Variants in ING5 observed in about 807,000 individuals in gnomAD.
ING5 encodes inhibitor of growth protein 5.
Under a neutral mutation model 37.4 loss-of-function variants are expected in ING5, and 17 were observed. The observed-to-expected ratio is 0.45, with a 90% confidence interval of 0.31 to 0.68. The LOEUF (loss-of-function observed/expected upper bound fraction) is 0.68. Ranked by LOEUF, ING5 falls within the 30% of genes least tolerant of loss-of-function variation. The pLI is 0.05. For synonymous variants in ING5, 123 were observed against 116.6 expected, an observed-to-expected ratio of 1.06 and a Z score of -0.36; for missense variants, 233 against 311.9, an observed-to-expected ratio of 0.75 and a Z score of 1.91.
At chr2:241,716,998 T>G (rs1261036862) in intron 5 of ING5, among the ~76,000 whole-genome samples, 1 of 152,062 alleles carries the variant, frequency 6.6e-6, no homozygotes, top group Non-Finnish European at 1.5e-5. Context: ...CAAAAAAATG[T>G]GTAGATTTTA....
chr2:241,703,395 G>C (rs143769153), intron 1 of ING5, among the ~76,000 whole-genome samples: 11,617 of 152,238 alleles, frequency 0.076, 1,111 homozygotes, highest in African/African-American at 0.22. Context: ...CAGCTGTGCA[G>C]GGGGCGGAGG....
intron 5 of ING5, among the ~76,000 whole-genome samples, chr2:241,715,330 GA>G (rs2070232816): frequency 1.3e-5 from 2 of 151,940 alleles, no homozygotes; most frequent in Admixed American, 6.6e-5. Context: ...AAGTAGCTGG[GA>G]CCACAAGTGC....
At chr2:241,722,488 C>T (rs192884334) in intron 5 of ING5, 43 of 985,380 alleles carry the variant, frequency 4.4e-5, no homozygotes, top group East Asian at 2.3e-4. Context: ...AAGGTGGGCG[C>T]GAGGTCTCCA....
chr2:241,724,920 C>G, intron 7 of ING5, 69 bp from the exon 8 acceptor site: 1 of 1,477,866 alleles, frequency 6.8e-7, no homozygotes, highest in South Asian at 1.3e-5. Context: ...CATGGGGAGG[C>G]GGGCCCTGGG....
intron 5 of ING5, chr2:241,721,691 G>A (rs1261219512): frequency 1.0e-6 from 1 of 985,308 alleles, no homozygotes; most frequent in Non-Finnish European, 1.2e-6. Context: ...GTTGGAGGGT[G>A]GGATAGGGAA....
intron 2 of ING5, among the ~76,000 whole-genome samples, chr2:241,694,567 G>C (rs913718992): frequency 6.6e-6 from 1 of 152,002 alleles, no homozygotes; most frequent in African/African-American, 2.4e-5. Flanking sequence ...AATATTTAAG[G>C]TTGGCTTTTT....
At position 241,709,334 on chromosome 2, in the gene ING5, G is replaced by A; in HGVS notation, c.228G>A (p.Lys76=). The A allele has an allele frequency of 6.2e-7, 1 of 1,614,094 alleles. No homozygotes were observed. The highest frequency in any genetic ancestry group is 8.5e-7 in the Non-Finnish European group (1 of 1,180,012). ...QKIQNAYSKC[K]EYSDDKVQLA... ...TCCAGAACGCCTACAGCAAGTGCAAGGAATACAGTGACGACAAAGTGCAGC... is the reference window on the plus strand; with the variant it reads ...TCCAGAACGCCTACAGCAAGTGCAAAGAATACAGTGACGACAAAGTGCAGC... The change falls in exon 3 of 8, where the codon AAG becomes AAA. Residue 76 remains lysine (K), a synonymous_variant. Coordinates refer to ENST00000313552, the MANE Select transcript of ING5 (RefSeq NM_032329.6).
chr2:241,700,258 G>A (rs1048013176), upstream of ING5, among the ~76,000 whole-genome samples: 3 of 146,702 alleles, frequency 2.0e-5, no homozygotes, highest in Non-Finnish European at 4.5e-5. Flanking sequence ...CCGGGTTCAC[G>A]CCATTCTCCT....
At chr2:241,716,564 G>GTTGA (rs2070278288) in intron 5 of ING5, among the ~76,000 whole-genome samples, 4 of 152,104 alleles carry the variant, frequency 2.6e-5, no homozygotes, top group South Asian at 4.1e-4. Flanking sequence ...CAAAGTGCTA[G>GTTGA]GATTACAGGC....
At chr2:241,700,790 TA>T (rs2124866850), upstream of ING5, among the ~76,000 whole-genome samples, 1 of 151,996 alleles carries the variant, frequency 6.6e-6, no homozygotes, top group East Asian at 1.9e-4. Flanking sequence ...CACGCCCGGG[TA>T]ATTTTTGTAT....
At chr2:241,724,156 G>A (rs536477221) in intron 7 of ING5, 147 of 875,642 alleles carry the variant, frequency 1.7e-4, no homozygotes, top group African/African-American at 2.3e-4. Context: ...TTGAAACTCC[G>A]GCAGACTCGC....
intron 5 of ING5, chr2:241,720,797 C>T: frequency 2.0e-6 from 2 of 985,608 alleles, no homozygotes; most frequent in Non-Finnish European, 2.4e-6. Context: ...CTGGCCTGTG[C>T]AAGGGACAGG....
At chr2:241,700,164 T>G (rs2069692581), upstream of ING5, among the ~76,000 whole-genome samples, 1 of 147,446 alleles carries the variant, frequency 6.8e-6, no homozygotes, top group Non-Finnish European at 1.5e-5. Flanking sequence ...TTTTTTTTTT[T>G]TTTTTTTTTT....
In ING5 at chr2:241,691,505, T is replaced by C. The variant is rs141130385; in HGVS notation, c.43+852T>C. Among the ~76,000 whole-genome samples, 632 of 149,988 alleles carry C rather than the reference T, an allele frequency of 4.2e-3. 3 individuals are homozygous for C. The highest frequency in any genetic ancestry group is 7.1e-3 in the Non-Finnish European group (478 of 67,550). ...AGCTCTTTTGCTAGTCCCTGTTTCT[T>C]AGTGTGCTGCAACTTCCACCACGCA... On this transcript the variant is annotated intron_variant, in intron 2 of 7. Coordinates refer to the ING5 transcript ENST00000636051.
intron 5 of ING5, among the ~76,000 whole-genome samples, chr2:241,716,318 C>T (rs1331088503): frequency 7.8e-6 from 1 of 128,166 alleles, no homozygotes; most frequent in South Asian, 2.7e-4. Context: ...CGGAGTCTTG[C>T]ACTGTTGCCC....
intron 2 of ING5, among the ~76,000 whole-genome samples, chr2:241,708,466 A>C (rs111714458): frequency 6.7e-5 from 10 of 148,916 alleles, no homozygotes; most frequent in East Asian, 2.0e-4. Context: ...CTCGGCCTCC[A>C]AAAGTGCTGG....
intron 3 of ING5, 109 bp downstream of exon 3, chr2:241,709,491 G>C: frequency 2.0e-6 from 2 of 987,488 alleles, no homozygotes; most frequent in Non-Finnish European, 3.0e-6. Flanking sequence ...TGGAAGGCTG[G>C]CTTTGGTAGC....
chr2:241,697,749 TG>T (rs377488661), upstream of ING5, among the ~76,000 whole-genome samples: 2 of 151,950 alleles, frequency 1.3e-5, no homozygotes, highest in East Asian at 3.9e-4. Context: ...TGACATGTAA[TG>T]GGGGGTAGCT....
At chr2:241,687,022 G>T, upstream of ING5, 1 of 541,570 alleles carries the variant, frequency 1.8e-6, no homozygotes, top group Non-Finnish European at 2.9e-6. Context: ...GGGGCCCCGT[G>T]TCCCGTGCGG....
Sources: allele counts gnomAD v4.1 joint callset (sites outside exome capture counted in the v4.1 genomes callset), GRCh38; gene constraint gnomAD v4.1.1; transcripts MANE v1.5; gene names NCBI Gene and HGNC (gene_info 2026-07-23, HGNC 2026-07-21).